The following TDP1 variants were observed in gnomAD, a reference collection of about 807,000 sequenced individuals.
The protein encoded by TDP1 is tyrosyl-DNA phosphodiesterase 1, also known as tyr-DNA phosphodiesterase 1.
TDP1 carries 64 observed loss-of-function variants against 81.5 expected under a neutral mutation model. That is an observed-to-expected ratio of 0.79 (90% CI 0.64 to 0.97). The LOEUF (loss-of-function observed/expected upper bound fraction) is 0.97, where lower values mean the gene tolerates loss of function less well. TDP1 is among the 50% of genes least tolerant of loss of function. The pLI, the probability that TDP1 is intolerant of heterozygous loss-of-function variation, is 0.00. For missense variants in TDP1, 723 were observed against 743.8 expected (o/e 0.97, Z 0.33); for synonymous variants, 256 against 264.3 (o/e 0.97, Z 0.30).
At chr14:89,973,282 G>A (rs7150748) in intron 6 of TDP1, among the ~76,000 whole-genome samples, 14,481 of 152,242 alleles carry the variant, frequency 0.095, 1,767 homozygotes, top group African/African-American at 0.28. Flanking sequence ...CTTATAGTGG[G>A]CAGAAAGTAA....
intron 15 of TDP1, among the ~76,000 whole-genome samples, chr14:90,027,355 T>G (rs911078746): frequency 4.6e-5 from 7 of 152,058 alleles, no homozygotes; most frequent in Admixed American, 3.9e-4. Flanking sequence ...TCAGGGTCTG[T>G]GTTCCTCTGC....
In TDP1 at chr14:90,033,092, C is replaced by CTG. The variant is rs775922433; in HGVS notation, c.1645-8_1645-7dup. The CTG allele has an allele frequency of 6.4e-7, 1 of 1,561,186 alleles. No individual in the cohort carries two copies. The highest frequency in any genetic ancestry group is 8.8e-7 in the Non-Finnish European group (1 of 1,132,414). Reference sequence around the variant, plus strand: ...AATGGGGTGCAATCATAGATTTCCTCTGTGTGTCTGCAGGGTCTAGACAGT... The same window carrying CTG: ...AATGGGGTGCAATCATAGATTTCCTCTGTGTGTGTCTGCAGGGTCTAGACAGT... On this transcript the variant is annotated splice_polypyrimidine_tract_variant and intron_variant, in intron 15 of 16. Coordinates refer to ENST00000335725, the MANE Select transcript of TDP1 (RefSeq NM_018319.4).
intron 8 of TDP1, among the ~76,000 whole-genome samples, chr14:89,982,481 G>T (rs1202271655): frequency 6.6e-6 from 1 of 152,098 alleles, no homozygotes; most frequent in Non-Finnish European, 1.5e-5. Context: ...TTACTAAAGG[G>T]ATTTCTCAGG....
At chr14:89,994,397 C>A (rs1221664651) in intron 14 of TDP1, among the ~76,000 whole-genome samples, 1 of 152,188 alleles carries the variant, frequency 6.6e-6, no homozygotes, top group Non-Finnish European at 1.5e-5. Context: ...AATCTTGAGT[C>A]TCTTTCTACT....
intron 6 of TDP1, among the ~76,000 whole-genome samples, chr14:89,972,628 C>T (rs1227557488): frequency 7.2e-6 from 1 of 139,478 alleles, no homozygotes; most frequent in Non-Finnish European, 1.7e-5. Flanking sequence ...TCTTCTATTA[C>T]ACGTGGCGCA....
intron 14 of TDP1, among the ~76,000 whole-genome samples, chr14:90,014,953 C>T (rs777487827): frequency 6.6e-6 from 1 of 152,214 alleles, no homozygotes; most frequent in Non-Finnish European, 1.5e-5. Flanking sequence ...GAACATCCAA[C>T]AAGTACTCCA....
chr14:90,028,368 T>C (rs1359457751), intron 15 of TDP1, among the ~76,000 whole-genome samples: 1 of 152,202 alleles, frequency 6.6e-6, no homozygotes, highest in Non-Finnish European at 1.5e-5. Context: ...AAATTACATC[T>C]CTAACTGAAA....
At chr14:89,975,293 G>A (rs568507989) in intron 6 of TDP1, 1 of 399,426 alleles carries the variant, frequency 2.5e-6, no homozygotes, top group Non-Finnish European at 3.4e-6. Flanking sequence ...AGCCAGGATG[G>A]TCTCCATCTC....
In TDP1 at chr14:89,991,977, A is replaced by G. The variant is rs1193559215; in HGVS notation, c.1427A>G (p.Tyr476Cys). 5.0e-6 allele frequency: 8 copies of G among 1,611,898 alleles called. No homozygotes were observed. The highest frequency in any genetic ancestry group is 4.2e-6 in the Non-Finnish European group (5 of 1,179,186). ...TAEKQNWLHSYFHKWSAETSG... is the reference protein window; with the variant it reads ...TAEKQNWLHSCFHKWSAETSG... ...GAAAAACAGAATTGGCTGCATTCCT[A>G]TTTTCAGTAAGTAATTGGTTTAGAC... Residue 476 changes from tyrosine to cysteine, a missense_variant, in exon 13 of 17, where the codon TAT (tyrosine) becomes TGT (cysteine). Transcript: ENST00000335725.
intron 15 of TDP1, among the ~76,000 whole-genome samples, chr14:90,031,637 A>T (rs1410557804): frequency 6.6e-6 from 1 of 152,082 alleles, no homozygotes; most frequent in Non-Finnish European, 1.5e-5. Flanking sequence ...AGACTGGGTG[A>T]CAGAGTGAGA....
intron 14 of TDP1, among the ~76,000 whole-genome samples, chr14:90,006,339 T>C (rs529826610): frequency 6.6e-6 from 1 of 152,300 alleles, no homozygotes; most frequent in East Asian, 1.9e-4. Flanking sequence ...ACACAGCTGA[T>C]GTGTTGCATC....
chr14:89,998,370 CATTATATATATATATATATATATATATA>C (rs1322838036), intron 14 of TDP1, among the ~76,000 whole-genome samples: 3 of 98,302 alleles, frequency 3.1e-5, no homozygotes, highest in African/African-American at 1.5e-4. Flanking sequence ...GTTCCAAGCA[CATTATATATATATATATATATATATATA>C]TATATATATA....
At chr14:90,007,939 G>C (rs535906399) in intron 14 of TDP1, among the ~76,000 whole-genome samples, 85 of 152,186 alleles carry the variant, frequency 5.6e-4, no homozygotes, top group African/African-American at 2.0e-3. Flanking sequence ...TGGCTTTTGA[G>C]CTCAGTTGTT....
chr14:90,001,392 A>G (rs754683759), intron 14 of TDP1, among the ~76,000 whole-genome samples: 4 of 152,224 alleles, frequency 2.6e-5, no homozygotes, highest in Non-Finnish European at 4.4e-5. Context: ...CGTCACCAAG[A>G]ATCATAAAAT....
chr14:90,001,807 C>T (rs978462617), intron 14 of TDP1, among the ~76,000 whole-genome samples: 12 of 152,000 alleles, frequency 7.9e-5, no homozygotes, highest in African/African-American at 1.9e-4. Flanking sequence ...GTTTTCATGG[C>T]GCCTTTTGCT....
At position 89,963,574 on chromosome 14, in the gene TDP1, A is replaced by G; in HGVS notation, c.460A>G (p.Ile154Val). The change falls in exon 3 of 17, where the codon ATT (isoleucine) becomes GTT (valine). Residue 154 changes from isoleucine (I) to valine (V), a missense_variant. Coordinates refer to ENST00000335725, the MANE Select transcript of TDP1 (RefSeq NM_018319.4). ...EYETSGEGQD[I>V]WDMLDKGNPF... ...TGAGACATCAGGGGAGGGCCAGGAC[A>G]TTTGGGACATGCTGGATAAAGGGAA... 1 of 1,613,868 alleles carries G rather than the reference A, an allele frequency of 6.2e-7. No individual in the cohort carries two copies. Among genetic ancestry groups the G allele is most frequent in the Non-Finnish European group, 8.5e-7 (1 of 1,179,842 alleles).
intron 14 of TDP1, among the ~76,000 whole-genome samples, chr14:89,995,514 A>T (rs988606671): frequency 1.3e-5 from 2 of 152,240 alleles, no homozygotes; most frequent in African/African-American, 4.8e-5. Context: ...GACATTGAGC[A>T]TTCCAATATG....
At chr14:90,040,709 A>G (rs1888274390) in intron 16 of TDP1, among the ~76,000 whole-genome samples, 1 of 152,280 alleles carries the variant, frequency 6.6e-6, no homozygotes. Context: ...GGAGGATTGC[A>G]TAAAGCAGGT....
chr14:90,041,023 T>G (rs1888302145), intron 16 of TDP1, among the ~76,000 whole-genome samples: 1 of 152,226 alleles, frequency 6.6e-6, no homozygotes, highest in South Asian at 2.1e-4. Context: ...ACAGTGATAT[T>G]TAAGTTACTG....
Sources: gnomAD v4.1 joint callset for allele counts (sites outside exome capture counted in the v4.1 genomes callset) on GRCh38, gnomAD v4.1.1 for gene constraint, MANE v1.5 for transcripts, NCBI Gene and HGNC (gene_info 2026-07-23, HGNC 2026-07-21) for gene names.